Variants in CCSER1 observed in about 807,000 individuals in gnomAD.
The protein encoded by CCSER1 is coiled-coil serine rich protein 1, also known as serine-rich coiled-coil domain-containing protein 1.
In CCSER1, 41 loss-of-function variants were observed where a neutral mutation model predicts 82.0. That is an observed-to-expected ratio of 0.50 (90% confidence interval 0.39 to 0.65). The LOEUF (loss-of-function observed/expected upper bound fraction) is 0.65. CCSER1 is among the 30% of genes least tolerant of loss of function. CCSER1 has a pLI of 0.00. For missense variants in CCSER1, 1,119 were observed against 1,064.2 expected, an observed-to-expected ratio of 1.05 and a Z score of -0.72; for synonymous variants, 414 against 383.9, an observed-to-expected ratio of 1.08 and a Z score of -0.92.
At chr4:90,980,224 A>T (rs1158062667) in intron 9 of CCSER1, among the ~76,000 whole-genome samples, 1 of 151,856 alleles carries the variant, frequency 6.6e-6, no homozygotes, top group Non-Finnish European at 1.5e-5. Flanking sequence ...AATGCAAGCT[A>T]TGTAGTCCTG....
At chr4:90,229,317 A>G (rs879305809) in intron 1 of CCSER1, among the ~76,000 whole-genome samples, 88 of 152,196 alleles carry the variant, frequency 5.8e-4, no homozygotes, top group Non-Finnish European at 1.0e-3. Context: ...GCCAATATTC[A>G]ACATTCTTAA....
intron 10 of CCSER1, among the ~76,000 whole-genome samples, chr4:91,163,884 A>G (rs931348707): frequency 2.6e-5 from 4 of 152,080 alleles, no homozygotes; most frequent in African/African-American, 4.8e-5. Context: ...ACTCTATCCA[A>G]TTTGGGAGTC....
chr4:90,914,761 C>T (rs976398082), intron 8 of CCSER1, among the ~76,000 whole-genome samples: 76 of 142,034 alleles, frequency 5.4e-4, no homozygotes, highest in African/African-American at 1.8e-3. Context: ...AATTGATAGA[C>T]CACTAGCAAT....
At chr4:90,408,943 A>C (rs1422720931) in intron 4 of CCSER1, among the ~76,000 whole-genome samples, 1 of 152,234 alleles carries the variant, frequency 6.6e-6, no homozygotes, top group Non-Finnish European at 1.5e-5. Context: ...AAAGGACCTC[A>C]TGGAGCTGAA....
chr4:90,553,756 A>G (rs1777797168), intron 5 of CCSER1, among the ~76,000 whole-genome samples: 1 of 152,230 alleles, frequency 6.6e-6, no homozygotes. Flanking sequence ...TATTAAAGAG[A>G]AAGTTATTGT....
chr4:91,019,779 G>T (rs1270102836), intron 9 of CCSER1, among the ~76,000 whole-genome samples: 2 of 152,166 alleles, frequency 1.3e-5, no homozygotes, highest in Non-Finnish European at 2.9e-5. Flanking sequence ...TGATAAATGG[G>T]ATCCTTAGAG....
At chr4:90,529,062 G>T (rs918960884) in intron 5 of CCSER1, among the ~76,000 whole-genome samples, 8 of 151,686 alleles carry the variant, frequency 5.3e-5, no homozygotes, top group Non-Finnish European at 1.2e-4. Flanking sequence ...TTTATATTTG[G>T]TAAGTATTTT....
intron 9 of CCSER1, among the ~76,000 whole-genome samples, chr4:91,018,959 T>G (rs1739681280): frequency 6.6e-6 from 1 of 152,058 alleles, no homozygotes; most frequent in African/African-American, 2.4e-5. Context: ...TTTAATTCAC[T>G]ATTTCTTCTA....
At chr4:90,247,149 A>G (rs1721558937) in intron 1 of CCSER1, among the ~76,000 whole-genome samples, 1 of 152,212 alleles carries the variant, frequency 6.6e-6, no homozygotes, top group Admixed American at 6.6e-5. Flanking sequence ...TCAGAATGGC[A>G]TATAATTTAA....
chr4:91,076,828 A>G (rs935593201), intron 9 of CCSER1, among the ~76,000 whole-genome samples: 1 of 152,186 alleles, frequency 6.6e-6, no homozygotes, highest in African/African-American at 2.4e-5. Flanking sequence ...ACCATGGTAC[A>G]TGGTACATGG....
At chr4:90,470,774 AAAAAAAAC>A (rs1560569732) in intron 5 of CCSER1, among the ~76,000 whole-genome samples, 1 of 149,826 alleles carries the variant, frequency 6.7e-6, no homozygotes, top group East Asian at 1.9e-4. Context: ...AAAAAAAAAA[AAAAAAAAC>A]AAAACACCCA....
At chr4:90,854,934 A>G (rs1764289170) in intron 8 of CCSER1, among the ~76,000 whole-genome samples, 1 of 152,104 alleles carries the variant, frequency 6.6e-6, no homozygotes, top group South Asian at 2.1e-4. Context: ...ACTTATAATC[A>G]TGGCTGAAGG....
At chr4:91,354,774 G>A (rs1469771473) in intron 10 of CCSER1, among the ~76,000 whole-genome samples, 1 of 152,162 alleles carries the variant, frequency 6.6e-6, no homozygotes, top group Admixed American at 6.5e-5. Context: ...TTCTATTACA[G>A]TTTTTCCACA....
At chr4:90,146,707 AC>A (rs1247433256) in intron 1 of CCSER1, among the ~76,000 whole-genome samples, 17 of 152,098 alleles carry the variant, frequency 1.1e-4, no homozygotes, top group African/African-American at 3.9e-4. Flanking sequence ...AATAATTTAT[AC>A]AGAGGATTAT....
chr4:90,247,049 G>T (rs1721535128), intron 1 of CCSER1, among the ~76,000 whole-genome samples: 1 of 152,096 alleles, frequency 6.6e-6, no homozygotes, highest in Non-Finnish European at 1.5e-5. Context: ...TGACTAAAGG[G>T]CAGGTAGCGC....
At chr4:90,393,245 G>T (rs1751467961) in intron 3 of CCSER1, among the ~76,000 whole-genome samples, 1 of 152,136 alleles carries the variant, frequency 6.6e-6, no homozygotes, top group Non-Finnish European at 1.5e-5. Context: ...TAATTGTAAG[G>T]TAAGTCTCAG....
At chr4:91,296,038 T>C (rs1443400530) in intron 10 of CCSER1, among the ~76,000 whole-genome samples, 3 of 151,916 alleles carry the variant, frequency 2.0e-5, no homozygotes, top group Non-Finnish European at 4.4e-5. Context: ...AAATGAAATA[T>C]TGAAGTCATT....
chr4:90,347,155 G>A (rs940646718), intron 3 of CCSER1, among the ~76,000 whole-genome samples: 3 of 152,108 alleles, frequency 2.0e-5, no homozygotes, highest in African/African-American at 7.2e-5. Context: ...GCACTACAGA[G>A]TATAATTGGA....
chr4:91,414,835 T>C (rs914388652), intron 10 of CCSER1, among the ~76,000 whole-genome samples: 2 of 152,120 alleles, frequency 1.3e-5, no homozygotes, highest in Non-Finnish European at 2.9e-5. Context: ...TTATATAAAA[T>C]CATTATATAA....
Sources: gnomAD v4.1 joint callset for allele counts (sites outside exome capture counted in the v4.1 genomes callset) on GRCh38, gnomAD v4.1.1 for gene constraint, MANE v1.5 for transcripts, NCBI Gene and HGNC (gene_info 2026-07-23, HGNC 2026-07-21) for gene names.